Variants in EYS observed in about 807,000 individuals in gnomAD.
EYS encodes the protein protein eyes shut homolog.
In EYS, 250 loss-of-function variants were observed where a neutral mutation model predicts 282.1. That is an observed-to-expected ratio of 0.89 (90% CI 0.80 to 0.98). The LOEUF (loss-of-function observed/expected upper bound fraction) is 0.98, where lower values mean the gene tolerates loss of function less well. EYS is among the 50% of genes least tolerant of loss of function. The pLI, the probability that EYS is intolerant of heterozygous loss-of-function variation, is 0.00. For synonymous variants in EYS, 1,355 were observed against 1,282.9 expected (o/e 1.06, Z -1.20); for missense variants, 4,016 against 3,709.0 (o/e 1.08, Z -2.15).
chr6:65,255,812 C>A (rs1301529301), intron 12 of EYS, among the ~76,000 whole-genome samples: 1 of 152,030 alleles, frequency 6.6e-6, no homozygotes, highest in African/African-American at 2.4e-5. Context: ...TATCTCACCT[C>A]AGTTAAAATT....
At chr6:63,876,243 C>T (rs1235829917) in intron 35 of EYS, among the ~76,000 whole-genome samples, 2 of 152,188 alleles carry the variant, frequency 1.3e-5, no homozygotes, top group Non-Finnish European at 2.9e-5. Context: ...AGTAGTCATT[C>T]AGGAGCAGGT....
chr6:64,832,394 C>G (rs2150028971), intron 19 of EYS, among the ~76,000 whole-genome samples: 1 of 151,782 alleles, frequency 6.6e-6, no homozygotes, highest in Admixed American at 6.6e-5. Context: ...TATCTAGTCA[C>G]CAAACTTATA....
intron 26 of EYS, among the ~76,000 whole-genome samples, chr6:64,483,799 C>G (rs542703937): frequency 6.6e-6 from 1 of 151,582 alleles, no homozygotes; most frequent in African/African-American, 2.4e-5. Flanking sequence ...AGCCATAAAT[C>G]ACTACTTATC....
At chr6:63,778,224 A>T in intron 39 of EYS, 44 bp from the exon 40 acceptor site, 1 of 1,526,700 alleles carries the variant, frequency 6.6e-7, no homozygotes, top group Non-Finnish European at 8.9e-7. Context: ...AACAGAAGAA[A>T]TAGAAAAAAC....
chr6:63,925,085 T>G (rs1764678294), intron 35 of EYS, among the ~76,000 whole-genome samples: 1 of 152,202 alleles, frequency 6.6e-6, no homozygotes, highest in South Asian at 2.1e-4. Flanking sequence ...TTTGGGCAAC[T>G]TAATCTTCTG....
intron 19 of EYS, among the ~76,000 whole-genome samples, chr6:64,861,996 A>G (rs1766254354): frequency 6.6e-6 from 1 of 152,198 alleles, no homozygotes; most frequent in Non-Finnish European, 1.5e-5. Context: ...TTTACTGGTG[A>G]CAAATTATCT....
chr6:64,877,442 C>T (rs186718534), intron 19 of EYS, among the ~76,000 whole-genome samples: 2 of 152,162 alleles, frequency 1.3e-5, no homozygotes, highest in East Asian at 1.9e-4. Context: ...TGAAATTCCT[C>T]AATCAGTGAA....
Position 64,171,156 on chromosome 6 carries a change from T to A in EYS, c.6424+59436A>T, listed in dbSNP as rs539603405. Among the ~76,000 whole-genome samples, 35 of 152,368 alleles carry A rather than the reference T, an allele frequency of 2.3e-4. No individual in the cohort carries two copies. The South Asian group carries it at 3.7e-3, about 16-fold the overall frequency. ...ATTGTGTATTTAACATTAAACATTTTATGGTACTGTTAGTTTAGTTATTGA... is the reference window on the plus strand; with the variant it reads ...ATTGTGTATTTAACATTAAACATTTAATGGTACTGTTAGTTTAGTTATTGA... On this transcript the variant is annotated intron_variant, in intron 31 of 42. Coordinates refer to ENST00000503581, the MANE Select transcript of EYS (RefSeq NM_001142800.2).
chr6:64,362,637 A>G (rs1183586448), intron 29 of EYS, among the ~76,000 whole-genome samples: 1 of 151,824 alleles, frequency 6.6e-6, no homozygotes, highest in Non-Finnish European at 1.5e-5. Context: ...TTATTCTTTA[A>G]TTATTAGAAT....
chr6:65,047,259 C>T (rs1773132867), intron 13 of EYS, among the ~76,000 whole-genome samples: 1 of 151,778 alleles, frequency 6.6e-6, no homozygotes, highest in African/African-American at 2.4e-5. Flanking sequence ...CATCAAATAA[C>T]TCCCTCAAAT....
At chr6:63,906,856 G>A (rs539232408) in intron 35 of EYS, among the ~76,000 whole-genome samples, 3 of 151,270 alleles carry the variant, frequency 2.0e-5, no homozygotes, top group South Asian at 4.2e-4. Flanking sequence ...ACATATATTC[G>A]GTATATTGAT....
At chr6:65,507,800 G>A (rs1458936238) in intron 2 of EYS, among the ~76,000 whole-genome samples, 1 of 151,924 alleles carries the variant, frequency 6.6e-6, no homozygotes, top group Non-Finnish European at 1.5e-5. Context: ...CTTTCTTAGA[G>A]TCTCCATCTC....
chr6:64,072,135 GAAGT>G (rs1161797379), intron 32 of EYS, among the ~76,000 whole-genome samples: 6 of 151,930 alleles, frequency 3.9e-5, no homozygotes, highest in Non-Finnish European at 8.8e-5. Context: ...CAATATTGCA[GAAGT>G]AAGGAAACAG....
chr6:64,797,768 G>T (rs2150005392), intron 22 of EYS, among the ~76,000 whole-genome samples: 1 of 151,986 alleles, frequency 6.6e-6, no homozygotes, highest in East Asian at 1.9e-4. Context: ...TACAGTGCCT[G>T]GATAAAAGTG....
chr6:64,154,926 G>A (rs930673651), intron 31 of EYS, among the ~76,000 whole-genome samples: 1 of 152,114 alleles, frequency 6.6e-6, no homozygotes, highest in Non-Finnish European at 1.5e-5. Flanking sequence ...TATTTTGAGT[G>A]ATAGTTTTCC....
rs73766206 is a variant in EYS at position 65,135,782 on chromosome 6, G to A, written c.2024-78055C>T. On this transcript the variant is annotated intron_variant, in intron 12 of 42. Coordinates refer to ENST00000503581, the MANE Select transcript of EYS (RefSeq NM_001142800.2). ...AATTTTAGTAGTGACCATTCATTGT[G>A]ATTTGATTTGATTATACATAGCTCT... Among the ~76,000 whole-genome samples, 429 of 152,012 alleles carry A rather than the reference G, an allele frequency of 2.8e-3. 6 individuals are homozygous for A. Among genetic ancestry groups the A allele is most frequent in the Middle Eastern group, 0.01 (3 of 294 alleles).
chr6:63,826,845 C>CAAAAAAAAAA (rs59957107), intron 36 of EYS, among the ~76,000 whole-genome samples: 2 of 76,758 alleles, frequency 2.6e-5, no homozygotes, highest in African/African-American at 5.1e-5. Context: ...AGTTAAAAAG[C>CAAAAAAAAAA]AAAAAAAAAA....
At chr6:63,982,343 T>G (rs1466700458) in intron 35 of EYS, among the ~76,000 whole-genome samples, 1 of 151,840 alleles carries the variant, frequency 6.6e-6, no homozygotes, top group African/African-American at 2.4e-5. Flanking sequence ...AATCTCACAT[T>G]GCAGTAAAGG....
At chr6:64,174,417 T>C (rs923951474) in intron 31 of EYS, among the ~76,000 whole-genome samples, 5 of 152,012 alleles carry the variant, frequency 3.3e-5, no homozygotes, top group Non-Finnish European at 7.4e-5. Context: ...ATGTTACTTA[T>C]AATAGTAATA....
Sources: gnomAD v4.1 joint callset for allele counts (sites outside exome capture counted in the v4.1 genomes callset) on GRCh38, gnomAD v4.1.1 for gene constraint, MANE v1.5 for transcripts, NCBI Gene and HGNC (gene_info 2026-07-23, HGNC 2026-07-21) for gene names.